The following ENTPD7 variants were observed in gnomAD, a reference collection of about 807,000 sequenced individuals.
ENTPD7 encodes NTPDase 7.
ENTPD7 carries 53 observed loss-of-function variants against 77.9 expected under a neutral mutation model. The observed-to-expected ratio is 0.68, with a 90% CI of 0.55 to 0.85. ENTPD7 has a LOEUF of 0.85. Among genes scored for constraint, ENTPD7 ranks in the 40% least tolerant of loss-of-function variants. The probability of loss-of-function intolerance (pLI) is 0.00; values close to 1 mark genes in which losing one functional copy is unlikely to be tolerated. For missense variants in ENTPD7, 636 were observed against 743.7 expected (o/e 0.86, Z 1.68); for synonymous variants, 248 against 274.9 (o/e 0.90, Z 0.97).
intron 11 of ENTPD7, among the ~76,000 whole-genome samples, chr10:99,702,297 A>G (rs1942944701): frequency 6.6e-6 from 1 of 152,180 alleles, no homozygotes; most frequent in African/African-American, 2.4e-5. Flanking sequence ...TAAAAAAAAG[A>G]AAAAGAAAAA....
chr10:99,696,037 G>GT lies in ENTPD7; in HGVS notation c.926dup (p.Thr310HisfsTer22), dbSNP rs753316658. 1.2e-6 allele frequency: 2 copies of GT among 1,614,206 alleles called. No homozygotes were observed. Among genetic ancestry groups the GT allele is most frequent in the South Asian group, 2.2e-5 (2 of 91,086 alleles). ...CACTGAACACGTGTACAGGGTTTAT[G>GT]TCACAACTTTTCTGGGTTTCGGAGG... On this transcript the variant is annotated frameshift_variant, in exon 9 of 13. Coordinates refer to ENST00000370489, the MANE Select transcript of ENTPD7 (RefSeq NM_020354.5). LOFTEE classifies it high-confidence loss of function.
At chr10:99,692,392 T>C (rs1329957513) in intron 8 of ENTPD7, among the ~76,000 whole-genome samples, 7 of 152,212 alleles carry the variant, frequency 4.6e-5, no homozygotes, top group Admixed American at 4.6e-4. Flanking sequence ...AAATTGCCCA[T>C]CATTGAGAAC....
rs774442084 is a variant in ENTPD7, at chr10:99,704,496, T to A, written c.1628T>A (p.Phe543Tyr). 1 of 1,614,260 alleles carries A rather than the reference T, an allele frequency of 6.2e-7. No homozygotes were observed. Among genetic ancestry groups the A allele is most frequent in the East Asian group, 2.2e-5 (1 of 44,892 alleles). The change falls in exon 13 of 13, where the codon TTC (phenylalanine) becomes TAC (tyrosine). Residue 543 changes from phenylalanine to tyrosine, a missense_variant. This residue lies in a region of ENTPD7 where 138 missense variants were observed against 150.9 expected (regional missense o/e 0.91). Transcript: ENST00000370489. ...GTCCGACAAGCCCATGGTAGCTGGT[T>A]CCGTCTCTCCTTTGTATACAACCAC... ...EGVRQAHGSW[F>Y]RLSFVYNHYL...
intron 10 of ENTPD7, chr10:99,700,735 C>G (rs1405482433): frequency 3.6e-6 from 2 of 554,726 alleles, no homozygotes; most frequent in Non-Finnish European, 6.4e-6. Flanking sequence ...CTAACCTCAG[C>G]CCCTCTGAAG....
At chr10:99,700,414 ATGTGTG>A (rs66525481) in intron 10 of ENTPD7, among the ~76,000 whole-genome samples, 6 of 9,818 alleles carry the variant, frequency 6.1e-4, no homozygotes, top group South Asian at 7.2e-3. Flanking sequence ...GTGTGTGTGT[ATGTGTG>A]TGTGTGTGTG....
Position 99,704,718 on chromosome 10 carries a change from C to A in ENTPD7, c.*35C>A, listed in dbSNP as rs376310921. On this transcript the variant is annotated 3_prime_UTR_variant, in exon 13 of 13. Coordinates refer to ENST00000370489, the MANE Select transcript of ENTPD7 (RefSeq NM_020354.5). Reference sequence around the variant, plus strand: ...AGGACTAGAGAAGCTTGAGCACCCCCGAGTTGCTGCTCATTGAATTCCTCC... The same window carrying A: ...AGGACTAGAGAAGCTTGAGCACCCCAGAGTTGCTGCTCATTGAATTCCTCC... 3 of 1,566,364 alleles carry A rather than the reference C, an allele frequency of 1.9e-6. No individual in the cohort carries two copies. Among genetic ancestry groups the A allele is most frequent in the East Asian group, 2.3e-5 (1 of 43,418 alleles).
chr10:99,667,405 G>A (rs934030601), intron 3 of ENTPD7, among the ~76,000 whole-genome samples: 8 of 152,166 alleles, frequency 5.3e-5, no homozygotes, highest in Non-Finnish European at 1.2e-4. Context: ...AGAGAGGCAG[G>A]CATAAAGGAA....
intron 3 of ENTPD7, among the ~76,000 whole-genome samples, chr10:99,665,259 A>AG (rs1564626631): frequency 6.6e-6 from 1 of 150,782 alleles, no homozygotes; most frequent in African/African-American, 2.4e-5. Flanking sequence ...TCTCAAAGAA[A>AG]AAAAAAAAAA....
At chr10:99,673,981 G>T (rs1479558296) in intron 3 of ENTPD7, among the ~76,000 whole-genome samples, 2 of 150,132 alleles carry the variant, frequency 1.3e-5, no homozygotes, top group Non-Finnish European at 3.0e-5. Context: ...AAATATGAAA[G>T]AAATCTTAGG....
rs78264391 is a variant in ENTPD7 at position 99,662,764 on chromosome 10, A to G, written c.191+1136A>G. ...GTGGCCCTGGGTAGCTGCAAGACAG[A>G]TAGATCTCCATACTGTTACTCCCCA... On this transcript the variant is annotated intron_variant, in intron 3 of 12. Transcript: ENST00000370489. Among the ~76,000 whole-genome samples the G allele has an allele frequency of 3.2e-3, 492 of 152,320 alleles. 3 individuals are homozygous for G. The highest frequency in any genetic ancestry group is 0.011 in the African/African-American group (471 of 41,562).
intron 6 of ENTPD7, among the ~76,000 whole-genome samples, chr10:99,687,032 C>G (rs1002487186): frequency 2.0e-5 from 3 of 150,712 alleles, no homozygotes; most frequent in Non-Finnish European, 2.9e-5. Flanking sequence ...ATTCTCCTGC[C>G]TCAGCCTCCC....
chr10:99,709,969 G>C lies in ENTPD7; in HGVS notation c.*5286G>C, dbSNP rs1290090983. ...CTACAAGGGCTTTCACTTTTAAAAT[G>C]TAATCCATCATTGCTTGCCATTTTT... On this transcript the variant is annotated 3_prime_UTR_variant, in exon 13 of 13. Transcript: ENST00000370489. The C allele has an allele frequency of 1.0e-6, 1 of 985,256 alleles. No individual in the cohort carries two copies. The highest frequency in any genetic ancestry group is 1.7e-5 in the African/African-American group (1 of 57,224). The allele number at this position is 985,256 out of a possible 1,614,324, so 61.0% of individuals were successfully genotyped here.
At position 99,661,446 on chromosome 10, in the gene ENTPD7, G is replaced by A; in HGVS notation, c.9G>A (p.Arg3=). ...CTTACTAATGTTTGTCTAATTTCAG[G>A]ATCAGTTTTTCCTACCTCTGCCCAG... The part of the protein sequence containing the change: MA[R]ISFSYLCPAS... Residue 3 remains arginine (R), a splice_region_variant and synonymous_variant, in exon 3 of 13, where the codon AGG becomes AGA. Transcript: ENST00000370489. 6.3e-7 allele frequency: 1 copy of A among 1,589,102 alleles called. No individual in the cohort carries two copies. The highest frequency in any genetic ancestry group is 1.7e-4 in the Middle Eastern group (1 of 5,962).
chr10:99,675,654 T>C (rs1220778680), intron 3 of ENTPD7, among the ~76,000 whole-genome samples: 1 of 147,674 alleles, frequency 6.8e-6, no homozygotes, highest in African/African-American at 2.5e-5. Context: ...TGGAGTGCAG[T>C]GGTGCGATCT....
At position 99,704,498 on chromosome 10, in the gene ENTPD7, C is replaced by T. The variant is rs200282153; in HGVS notation, c.1630C>T (p.Arg544Cys). The T allele has an allele frequency of 2.4e-5, 39 of 1,614,188 alleles. 1 individual carries two copies. The highest frequency in any genetic ancestry group is 1.6e-4 in the East Asian group (7 of 44,884). Residue 544 changes from arginine to cysteine, a missense_variant, in exon 13 of 13, where the codon CGT (arginine) becomes TGT (cysteine). Physicochemically the swap from Arg to Cys is radical, Grantham distance 180. Transcript: ENST00000370489. ...GVRQAHGSWF[R>C]LSFVYNHYLF... ...CCGACAAGCCCATGGTAGCTGGTTC[C>T]GTCTCTCCTTTGTATACAACCACTA...
At chr10:99,679,998 T>A in intron 5 of ENTPD7, 123 bp downstream of exon 5, 1 of 1,174,212 alleles carries the variant, frequency 8.5e-7, no homozygotes, top group Non-Finnish European at 1.2e-6. Context: ...ACACAATCAT[T>A]CATTCCCAAC....
intron 3 of ENTPD7, 59 bp downstream of exon 3, chr10:99,661,687 A>G: frequency 7.0e-7 from 1 of 1,438,194 alleles, no homozygotes; most frequent in Non-Finnish European, 9.4e-7. Context: ...GCTGTTTAAC[A>G]CACTACTGAC....
intron 5 of ENTPD7, among the ~76,000 whole-genome samples, chr10:99,682,859 T>C (rs923480656): frequency 2.8e-4 from 43 of 152,186 alleles, no homozygotes; most frequent in African/African-American, 9.9e-4. Context: ...ACCTGGAGGT[T>C]AAAAAGGCAG....
At chr10:99,682,163 C>T (rs1000086978) in intron 5 of ENTPD7, among the ~76,000 whole-genome samples, 3 of 148,732 alleles carry the variant, frequency 2.0e-5, no homozygotes, top group Non-Finnish European at 4.4e-5. Context: ...CAGGTATTTC[C>T]TTATTAGCTT....
Sources: allele counts gnomAD v4.1 joint callset (sites outside exome capture counted in the v4.1 genomes callset), GRCh38; gene constraint gnomAD v4.1.1; regional missense constraint gnomAD v4.1.1; transcripts MANE v1.5; gene names NCBI Gene and HGNC (gene_info 2026-07-23, HGNC 2026-07-21).